CNTN5: variants seen among roughly 807,000 people sequenced by gnomAD.
CNTN5 encodes contactin-5.
Under a neutral mutation model 129.1 loss-of-function variants are expected in CNTN5, and 77 were observed. That is an observed-to-expected ratio of 0.60 (90% CI 0.50 to 0.72). CNTN5 has a LOEUF of 0.72. CNTN5 is among the 30% of genes least tolerant of loss of function. The probability of loss-of-function intolerance (pLI) is 0.00; values close to 1 mark genes in which losing one functional copy is unlikely to be tolerated. For missense variants in CNTN5, 1,478 were observed against 1,328.8 expected (o/e 1.11, Z -1.75); for synonymous variants, 509 against 465.6 (o/e 1.09, Z -1.20).
chr11:100,035,452 G>A (rs1324687950), intron 9 of CNTN5, among the ~76,000 whole-genome samples: 2 of 146,854 alleles, frequency 1.4e-5, no homozygotes, highest in African/African-American at 2.6e-5. Context: ...TGTCTTTATA[G>A]CAGCATGATT....
Position 100,070,427 on chromosome 11 carries a change from A to C in CNTN5, c.1166A>C (p.Tyr389Ser). 1.2e-6 allele frequency: 2 copies of C among 1,611,734 alleles called. No individual in the cohort carries two copies. Among genetic ancestry groups the C allele is most frequent in the Non-Finnish European group, 1.7e-6 (2 of 1,178,800 alleles). The change falls in exon 11 of 25, where the codon TAC becomes TCC. Residue 389 changes from tyrosine to serine, a missense_variant. By Grantham distance (144) the Tyr-to-Ser change is moderately radical. Transcript: ENST00000524871. ...SFRGQLQVYT[Y>S]PHWVEKLNDT... is the part of the protein sequence containing the mutation. ...TTTACTGCTTACATACTTACAGCCTACCCACACTGGGTAGAAAAACTGAAT... is the reference window on the plus strand; with the variant it reads ...TTTACTGCTTACATACTTACAGCCTCCCCACACTGGGTAGAAAAACTGAAT...
At chr11:99,100,284 T>A (rs532846825) in intron 1 of CNTN5, among the ~76,000 whole-genome samples, 42 of 152,166 alleles carry the variant, frequency 2.8e-4, no homozygotes, top group African/African-American at 9.4e-4. Context: ...AAACAATAGA[T>A]AAGAAATAAT....
rs111292779 is a variant in CNTN5 at position 99,688,380 on chromosome 11, C to T, written c.56-131164C>T. Among the ~76,000 whole-genome samples, 385 of 152,128 alleles carry T rather than the reference C, an allele frequency of 2.5e-3. 2 individuals are homozygous for T. Among genetic ancestry groups the T allele is most frequent in the African/African-American group, 8.9e-3 (371 of 41,504 alleles). The stretch of plus-strand genomic sequence containing the variant: ...TAGAAGACAAACAAACAAAAAAACA[C>T]ACTTCAGGGACTACTTGAAGTCAGC... On this transcript the variant is annotated intron_variant, in intron 3 of 24. Transcript: ENST00000524871.
intron 15 of CNTN5, among the ~76,000 whole-genome samples, chr11:100,219,207 G>A (rs1197660118): frequency 6.6e-6 from 1 of 152,180 alleles, no homozygotes; most frequent in African/African-American, 2.4e-5. Context: ...TTCTGTCAAA[G>A]CTGAATTAGA....
chr11:99,501,447 C>A (rs1591172356), intron 2 of CNTN5, among the ~76,000 whole-genome samples: 1 of 152,330 alleles, frequency 6.6e-6, no homozygotes, highest in South Asian at 2.1e-4. Flanking sequence ...ACTACTTCCT[C>A]TGTGAGTCCT....
Position 99,933,018 on chromosome 11 carries a change from G to A in CNTN5, c.673+16869G>A, listed in dbSNP as rs184241985. Among the ~76,000 whole-genome samples the A allele has an allele frequency of 3.9e-5, 6 of 152,256 alleles. No individual in the cohort carries two copies. In the East Asian group the frequency reaches 1.2e-3, roughly 29 times the overall value. ...TAGATTTGCTGACATAGCCCTGGAT[G>A]TTATCAGGTACTTGATAACTACTGT... is the stretch of plus-strand genomic sequence containing the variant. On this transcript the variant is annotated intron_variant, in intron 7 of 24. Transcript: ENST00000524871.
At chr11:99,480,105 G>A (rs1038638885) in intron 2 of CNTN5, among the ~76,000 whole-genome samples, 1 of 152,102 alleles carries the variant, frequency 6.6e-6, no homozygotes, top group African/African-American at 2.4e-5. Flanking sequence ...CTTTGATGCT[G>A]GTTGTAAGTA....
intron 23 of CNTN5, among the ~76,000 whole-genome samples, chr11:100,343,430 T>TC (rs35436805): frequency 0.28 from 42,945 of 151,796 alleles, 6,372 homozygotes; most frequent in Middle Eastern, 0.32. Context: ...AGTGGGATGA[T>TC]CCCCACTGAG....
At chr11:100,342,240 G>C (rs1952181192) in intron 23 of CNTN5, among the ~76,000 whole-genome samples, 1 of 151,588 alleles carries the variant, frequency 6.6e-6, no homozygotes, top group Non-Finnish European at 1.5e-5. Flanking sequence ...GAGTGCAGAT[G>C]GGTCATTTTC....
Position 100,005,831 on chromosome 11 carries a change from A to G in CNTN5, c.980+3695A>G, listed in dbSNP as rs559452319. 9.2e-5 allele frequency among the ~76,000 whole-genome samples: 14 copies of G among 152,292 alleles called. No homozygotes were observed. In the East Asian group the frequency reaches 2.5e-3, roughly 27 times the overall value. Reference sequence around the variant, plus strand: ...ATAATGGTTTGAGGGACAAACAAAGAAGATCATAAGTACAAAATCTTGCTA... The same window carrying G: ...ATAATGGTTTGAGGGACAAACAAAGGAGATCATAAGTACAAAATCTTGCTA... On this transcript the variant is annotated intron_variant, in intron 9 of 24. Coordinates refer to ENST00000524871, the MANE Select transcript of CNTN5 (RefSeq NM_014361.4).
At chr11:99,556,903 A>G (rs979805310) in intron 3 of CNTN5, among the ~76,000 whole-genome samples, 2 of 151,204 alleles carry the variant, frequency 1.3e-5, no homozygotes, top group Non-Finnish European at 3.0e-5. Flanking sequence ...TATTGGTAGT[A>G]ATAATATCAT....
Position 99,993,844 on chromosome 11 carries a change from A to T in CNTN5, c.878-8190A>T, listed in dbSNP as rs148456483. On this transcript the variant is annotated intron_variant, in intron 8 of 24. Coordinates refer to ENST00000524871, the MANE Select transcript of CNTN5 (RefSeq NM_014361.4). ...ATATTATCATTTGTTAAATGGCAAGATGTCTAAAAAGCTTTCTAATATGTC... is the reference window on the plus strand; with the variant it reads ...ATATTATCATTTGTTAAATGGCAAGTTGTCTAAAAAGCTTTCTAATATGTC... Among the ~76,000 whole-genome samples, 164 of 152,292 alleles carry T rather than the reference A, an allele frequency of 1.1e-3. No homozygotes were observed. The East Asian group carries it at 0.012, about 11-fold the overall frequency.
In CNTN5 at chr11:99,935,117, C is replaced by T. The variant is rs927423357; in HGVS notation, c.673+18968C>T. Among the ~76,000 whole-genome samples the T allele has an allele frequency of 8.7e-5, 13 of 150,242 alleles. 1 individual carries two copies. The highest frequency in any genetic ancestry group is 6.9e-3 in the Middle Eastern group (2 of 290). ...TATATCAATATAATTAAATTTTATA[C>T]GATATAAAAATATTAATAAATTAGC... On this transcript the variant is annotated intron_variant, in intron 7 of 24. Transcript: ENST00000524871.
chr11:100,235,299 T>C (rs1949586276), intron 16 of CNTN5, among the ~76,000 whole-genome samples: 1 of 152,140 alleles, frequency 6.6e-6, no homozygotes, highest in Non-Finnish European at 1.5e-5. Context: ...TACTGAGTAG[T>C]AATTTACTGT....
chr11:99,550,231 T>C (rs2135520393), intron 2 of CNTN5, among the ~76,000 whole-genome samples: 1 of 152,264 alleles, frequency 6.6e-6, no homozygotes, highest in Middle Eastern at 3.4e-3. Context: ...ATAAACAATA[T>C]CATAACTCAA....
chr11:100,050,040 G>C (rs1011025951), intron 9 of CNTN5, among the ~76,000 whole-genome samples: 3 of 152,170 alleles, frequency 2.0e-5, no homozygotes, highest in African/African-American at 7.2e-5. Flanking sequence ...CTGTAAACTA[G>C]TTCAACCATT....
intron 2 of CNTN5, among the ~76,000 whole-genome samples, chr11:99,351,850 T>C (rs1013914200): frequency 2.6e-5 from 4 of 152,224 alleles, no homozygotes; most frequent in African/African-American, 9.6e-5. Flanking sequence ...ACCTCAGATC[T>C]CCAATGAAGC....
chr11:100,227,880 T>C (rs1016745223), intron 16 of CNTN5, among the ~76,000 whole-genome samples: 2 of 152,168 alleles, frequency 1.3e-5, no homozygotes, highest in African/African-American at 4.8e-5. Context: ...ATAATCTCAC[T>C]GAGGAGGATA....
Position 100,080,641 on chromosome 11 carries a change from C to T in CNTN5, c.1580+6347C>T, listed in dbSNP as rs552197420. Among the ~76,000 whole-genome samples, 15 of 152,126 alleles carry T rather than the reference C, an allele frequency of 9.9e-5. No homozygotes were observed. In the South Asian group the frequency reaches 3.1e-3, roughly 32 times the overall value. On this transcript the variant is annotated intron_variant, in intron 13 of 24. Transcript: ENST00000524871. ...GGTATAATTAGGGCCCTGTTTTTGT[C>T]CCTTTGTTTCCACCTACATGCTGGG...
Sources: gnomAD v4.1 joint callset for allele counts (sites outside exome capture counted in the v4.1 genomes callset) on GRCh38, gnomAD v4.1.1 for gene constraint, MANE v1.5 for transcripts, NCBI Gene and HGNC (gene_info 2026-07-23, HGNC 2026-07-21) for gene names.